The following ADAMTS9 variants were observed in gnomAD, a reference collection of about 807,000 sequenced individuals.
The protein encoded by ADAMTS9 is A disintegrin and metalloproteinase with thrombospondin motifs 9.
A neutral mutation model predicts 257.1 loss-of-function variants in ADAMTS9; 107 were observed. The ratio of observed to expected loss-of-function variants is 0.42; its 90% CI spans 0.36 to 0.49. The LOEUF (loss-of-function observed/expected upper bound fraction) is 0.49. ADAMTS9 is among the 20% of genes least tolerant of loss of function. ADAMTS9 has a pLI of 0.03. For synonymous variants in ADAMTS9, 982 were observed against 880.9 expected (o/e 1.11, Z -2.03); for missense variants, 2,353 against 2,469.1 (o/e 0.95, Z 1.00).
chr3:64,560,140 A>AAATC (rs1403117878), intron 30 of ADAMTS9, among the ~76,000 whole-genome samples: 1 of 152,236 alleles, frequency 6.6e-6, no homozygotes, highest in Non-Finnish European at 1.5e-5. Flanking sequence ...AGGCTCAGAG[A>AAATC]AATCAAGAAT....
intron 3 of ADAMTS9, among the ~76,000 whole-genome samples, chr3:64,662,219 A>AT (rs998272970): frequency 2.0e-5 from 3 of 151,708 alleles, no homozygotes; most frequent in Admixed American, 1.3e-4. Context: ...TGAGCTTCTC[A>AT]TTTTTTGTCT....
chr3:64,539,397 T>C, intron 36 of ADAMTS9, 103 bp from the exon 37 acceptor site: 1 of 937,558 alleles, frequency 1.1e-6, no homozygotes, highest in Non-Finnish European at 1.7e-6. Flanking sequence ...AGAAGAAGAA[T>C]AAGAGGGAAT....
chr3:64,566,998 T>C (rs1170401837), intron 29 of ADAMTS9, among the ~76,000 whole-genome samples: 4 of 152,152 alleles, frequency 2.6e-5, no homozygotes, highest in African/African-American at 9.7e-5. Flanking sequence ...TGGCTGGGTA[T>C]AGATTTTTTT....
chr3:64,630,907 G>C (rs914008516), intron 16 of ADAMTS9, among the ~76,000 whole-genome samples: 3 of 152,296 alleles, frequency 2.0e-5, no homozygotes, highest in African/African-American at 7.2e-5. Context: ...ATGCACCTCA[G>C]TTCAGTGAGA....
chr3:64,641,748 C>T, intron 12 of ADAMTS9, 100 bp downstream of exon 12: 1 of 1,474,600 alleles, frequency 6.8e-7, no homozygotes, highest in Non-Finnish European at 9.3e-7. Flanking sequence ...CTTTCTAGCT[C>T]TCTAAGTTGG....
In ADAMTS9 at chr3:64,613,395, T is replaced by G. The variant is rs1021628856; in HGVS notation, c.3304A>C (p.Thr1102Pro). Reference sequence around the variant, plus strand: ...GATGCACATTCCGGCTGCTGACAAGTCTGCATAGATGTTGGCTTGGTCTCA... The same window carrying G: ...GATGCACATTCCGGCTGCTGACAAGGCTGCATAGATGTTGGCTTGGTCTCA... The part of the protein sequence containing the change: ...DPETKPTSMQ[T>P]CQQPECASWQ... Residue 1102 changes from threonine (T) to proline (P), a missense_variant, in exon 22 of 40, where the codon ACT becomes CCT. By Grantham distance (38) the Thr-to-Pro change is conservative. Transcript: ENST00000498707. 26 of 1,613,914 alleles carry G rather than the reference T, an allele frequency of 1.6e-5. No homozygotes were observed. Among genetic ancestry groups the G allele is most frequent in the Non-Finnish European group, 2.2e-5 (26 of 1,179,924 alleles).
chr3:64,623,482 T>C (rs1189966835), intron 16 of ADAMTS9, among the ~76,000 whole-genome samples: 8 of 152,188 alleles, frequency 5.3e-5, no homozygotes, highest in African/African-American at 1.9e-4. Context: ...AACTGCCATC[T>C]TGACTACAAC....
At chr3:64,572,453 G>C (rs569237457) in intron 28 of ADAMTS9, among the ~76,000 whole-genome samples, 4 of 152,130 alleles carry the variant, frequency 2.6e-5, no homozygotes, top group Non-Finnish European at 5.9e-5. Flanking sequence ...TATGGGTTTG[G>C]TGTGCTGTCT....
intron 38 of ADAMTS9, among the ~76,000 whole-genome samples, chr3:64,529,676 C>T (rs894289564): frequency 3.9e-5 from 6 of 152,274 alleles, no homozygotes; most frequent in African/African-American, 1.2e-4. Context: ...CAAGCTGTAA[C>T]TTCGAAAAGA....
At position 64,614,484 on chromosome 3, in the gene ADAMTS9, G is replaced by C. The variant is rs141517880; in HGVS notation, c.3189+837C>G. Among the ~76,000 whole-genome samples the C allele has an allele frequency of 1.2e-3, 179 of 152,302 alleles. 6 individuals are homozygous for C. In the East Asian group the frequency reaches 0.03, roughly 25 times the overall value. ...GTTAATACTGCACTTATAAGGATGG[G>C]ATAAGAGCATGGATGTAGGAGCTGT... On this transcript the variant is annotated intron_variant, in intron 21 of 39. Transcript: ENST00000498707.
chr3:64,603,242 C>T (rs1268009831), intron 25 of ADAMTS9, among the ~76,000 whole-genome samples: 2 of 152,182 alleles, frequency 1.3e-5, no homozygotes, highest in Admixed American at 6.5e-5. Context: ...TGGGTTTTTA[C>T]AGAGCTCTGT....
At chr3:64,672,383 T>A (rs1701513754) in intron 3 of ADAMTS9, among the ~76,000 whole-genome samples, 1 of 152,148 alleles carries the variant, frequency 6.6e-6, no homozygotes, top group African/African-American at 2.4e-5. Flanking sequence ...TCCAGAAGCT[T>A]AATTAAAAAG....
chr3:64,647,195 T>A (rs918896473), intron 11 of ADAMTS9, among the ~76,000 whole-genome samples: 2 of 152,080 alleles, frequency 1.3e-5, no homozygotes, highest in Admixed American at 1.3e-4. Flanking sequence ...CCAATTTCCA[T>A]GTGTATTTTT....
intron 30 of ADAMTS9, among the ~76,000 whole-genome samples, chr3:64,559,963 A>G (rs968019650): frequency 1.3e-5 from 2 of 152,206 alleles, no homozygotes; most frequent in African/African-American, 4.8e-5. Flanking sequence ...AAAGAGAATC[A>G]AGAGGTCACA....
chr3:64,635,764 T>C (rs576137283), intron 12 of ADAMTS9, among the ~76,000 whole-genome samples: 15 of 152,324 alleles, frequency 9.8e-5, no homozygotes, highest in African/African-American at 3.6e-4. Context: ...TCTTTTTTTT[T>C]CTTTTCTTTT....
rs1700661015 is a variant in ADAMTS9 at position 64,642,108 on chromosome 3, G to A, written c.1711-115C>T. 6.7e-6 allele frequency: 8 copies of A among 1,190,232 alleles called. No homozygotes were observed. In the South Asian group the frequency reaches 7.3e-5, roughly 11 times the overall value. 73.7% of individuals were successfully genotyped at this position (1,190,232 alleles called of 1,614,324 possible). A position where few individuals can be genotyped will look rare whatever the true frequency, so the allele number is the denominator to read the frequency against. On this transcript the variant is annotated intron_variant, in intron 11 of 39. Coordinates refer to ENST00000498707, the MANE Select transcript of ADAMTS9 (RefSeq NM_182920.2). ...TCTTTTCCATGTGTGGGTTTGAAAT[G>A]CTGCAGGTTCATCATCTATATGAAT...
chr3:64,680,561 C>T lies in ADAMTS9; in HGVS notation c.679+640G>A, dbSNP rs570271897. On this transcript the variant is annotated intron_variant, in intron 3 of 39. Coordinates refer to ENST00000498707, the MANE Select transcript of ADAMTS9 (RefSeq NM_182920.2). ...TGACATATCCTTGACAATGGCCAAA[C>T]ATGTCAGCGCAAAACCTCAAAGAAT... 4.6e-5 allele frequency among the ~76,000 whole-genome samples: 7 copies of T among 152,182 alleles called. No individual in the cohort carries two copies. In the South Asian group the frequency reaches 1.2e-3, roughly 27 times the overall value.
chr3:64,681,286 C>T lies in ADAMTS9; in HGVS notation c.594G>A (p.Glu198=), dbSNP rs1013269454. The change falls in exon 3 of 40, where the codon GAG becomes GAA. Residue 198 remains glutamate, a synonymous_variant. Coordinates refer to ENST00000498707, the MANE Select transcript of ADAMTS9 (RefSeq NM_182920.2). ...AAATGATGTGGGGTTTGTTTTGTTC[C>T]TCTTCATCTTCTTGTTCATCCATAG... ...LQSMDEQEDE[E]EQNKPHIIYR... 1 of 1,614,038 alleles carries T rather than the reference C, an allele frequency of 6.2e-7. No homozygotes were observed. Among genetic ancestry groups the T allele is most frequent in the East Asian group, 2.2e-5 (1 of 44,862 alleles).
At chr3:64,638,380 T>G (rs767476610) in intron 12 of ADAMTS9, among the ~76,000 whole-genome samples, 8 of 152,186 alleles carry the variant, frequency 5.3e-5, no homozygotes, top group Non-Finnish European at 8.8e-5. Context: ...GTTTTGGTAC[T>G]GTTAAGCTAT....
Sources: allele counts gnomAD v4.1 joint callset (sites outside exome capture counted in the v4.1 genomes callset), GRCh38; gene constraint gnomAD v4.1.1; transcripts MANE v1.5; gene names NCBI Gene and HGNC (gene_info 2026-07-23, HGNC 2026-07-21).